TRABD2B: variants seen among roughly 807,000 people sequenced by gnomAD.
The protein encoded by TRABD2B is metalloprotease TIKI2.
In TRABD2B, 14 loss-of-function variants were observed where a neutral mutation model predicts 40.1. The observed-to-expected ratio is 0.35, with a 90% CI of 0.23 to 0.55. TRABD2B has a LOEUF of 0.55. Among genes scored for constraint, TRABD2B ranks in the 20% least tolerant of loss-of-function variants. The pLI is 0.90. For missense variants in TRABD2B, 541 were observed against 648.6 expected (o/e 0.83, Z 1.80); for synonymous variants, 263 against 277.0 (o/e 0.95, Z 0.50).
intron 2 of TRABD2B, among the ~76,000 whole-genome samples, chr1:47,957,977 C>G (rs1294578712): frequency 1.3e-5 from 2 of 152,178 alleles, no homozygotes; most frequent in Non-Finnish European, 2.9e-5. Flanking sequence ...GGGTTACCCA[C>G]AAAGGGAAGC....
At chr1:47,940,146 A>G (rs1194704796) in intron 2 of TRABD2B, among the ~76,000 whole-genome samples, 2 of 152,206 alleles carry the variant, frequency 1.3e-5, no homozygotes, top group Non-Finnish European at 2.9e-5. Context: ...TCCTGTTTAC[A>G]GTGCCCTTAG....
Position 47,997,013 on chromosome 1 carries a change from TC to T in TRABD2B, c.-225del. The T allele has an allele frequency of 9.4e-7, 1 of 1,067,302 alleles. No individual in the cohort carries two copies. Among genetic ancestry groups the T allele is most frequent in the Non-Finnish European group, 1.1e-6 (1 of 884,868 alleles). 66.1% of individuals were successfully genotyped at this position (1,067,302 alleles called of 1,614,324 possible). On this transcript the variant is annotated 5_prime_UTR_variant, in exon 1 of 7. Transcript: ENST00000606738. ...GGGAGACCCTCTAGGGCTGGGCCCCTCCCCCGGGCGCTCAACCTCGCTGGCC... is the reference window on the plus strand; with the variant it reads ...GGGAGACCCTCTAGGGCTGGGCCCCTCCCCGGGCGCTCAACCTCGCTGGCC...
chr1:47,941,487 C>T (rs1645187947), intron 2 of TRABD2B, among the ~76,000 whole-genome samples: 2 of 152,210 alleles, frequency 1.3e-5, no homozygotes, highest in African/African-American at 4.8e-5. Context: ...CAAAAATGCA[C>T]CTGGTTCAAG....
At chr1:47,942,165 C>T (rs981746713) in intron 2 of TRABD2B, among the ~76,000 whole-genome samples, 5 of 152,178 alleles carry the variant, frequency 3.3e-5, no homozygotes, top group African/African-American at 1.2e-4. Context: ...CCTTCCTCTT[C>T]CTTCTTTTGT....
chr1:47,795,727 C>G (rs1483227106), intron 3 of TRABD2B: 1 of 985,154 alleles, frequency 1.0e-6, no homozygotes, highest in Non-Finnish European at 1.2e-6. Flanking sequence ...TTCCCAATGC[C>G]TGAGCCACCA....
intron 2 of TRABD2B, among the ~76,000 whole-genome samples, chr1:47,858,103 A>G (rs747392664): frequency 3.3e-4 from 50 of 152,114 alleles, no homozygotes; most frequent in Non-Finnish European, 6.3e-4. Flanking sequence ...TATCATACGT[A>G]CGCATTGGAA....
chr1:47,924,183 C>G (rs1486613484), intron 2 of TRABD2B, among the ~76,000 whole-genome samples: 1 of 152,122 alleles, frequency 6.6e-6, no homozygotes, highest in Non-Finnish European at 1.5e-5. Context: ...TGTCCAGGTT[C>G]CCACAGGTGG....
At chr1:47,968,719 C>T (rs924159177) in intron 2 of TRABD2B, among the ~76,000 whole-genome samples, 2 of 152,210 alleles carry the variant, frequency 1.3e-5, no homozygotes, top group African/African-American at 2.4e-5. Context: ...ACTTCAAGAG[C>T]CTTTTCACCC....
intron 2 of TRABD2B, among the ~76,000 whole-genome samples, chr1:47,992,341 A>G (rs1272348324): frequency 1.3e-5 from 2 of 152,146 alleles, no homozygotes; most frequent in Admixed American, 6.5e-5. Context: ...TTTTCACCCT[A>G]CCAAAGCCAT....
chr1:47,842,217 T>C (rs1338097801), intron 2 of TRABD2B, among the ~76,000 whole-genome samples: 2 of 152,182 alleles, frequency 1.3e-5, no homozygotes, highest in Admixed American at 6.5e-5. Context: ...TAGACTCTCA[T>C]AGAGAATGGT....
intron 6 of TRABD2B, among the ~76,000 whole-genome samples, chr1:47,772,718 A>C (rs922991921): frequency 6.6e-6 from 1 of 152,068 alleles, no homozygotes; most frequent in Non-Finnish European, 1.5e-5. Context: ...TCTCTTAGAA[A>C]ATTGGAAACC....
chr1:47,897,182 G>C (rs1296939301), intron 2 of TRABD2B, among the ~76,000 whole-genome samples: 1 of 152,196 alleles, frequency 6.6e-6, no homozygotes, highest in Non-Finnish European at 1.5e-5. Context: ...CATTGAGAAG[G>C]TGACATTTGA....
intron 2 of TRABD2B, among the ~76,000 whole-genome samples, chr1:47,841,968 T>C (rs1645403680): frequency 6.6e-6 from 1 of 151,956 alleles, no homozygotes. Context: ...GAGATGGGGT[T>C]TCACGACCGT....
intron 2 of TRABD2B, among the ~76,000 whole-genome samples, chr1:47,885,478 A>T (rs1225853320): frequency 6.6e-6 from 1 of 152,144 alleles, no homozygotes; most frequent in Non-Finnish European, 1.5e-5. Context: ...TGCATCGGCC[A>T]TCTGGTAACT....
chr1:47,990,351 C>T (rs1476749694), intron 2 of TRABD2B, among the ~76,000 whole-genome samples: 1 of 152,174 alleles, frequency 6.6e-6, no homozygotes, highest in Non-Finnish European at 1.5e-5. Context: ...GTACCAGTCC[C>T]TGGTGGCAGC....
chr1:47,787,442 G>A (rs376879949), intron 4 of TRABD2B, among the ~76,000 whole-genome samples: 2 of 152,230 alleles, frequency 1.3e-5, no homozygotes, highest in East Asian at 1.9e-4. Context: ...CGTCTTTGGC[G>A]TAACTCTCAC....
intron 2 of TRABD2B, among the ~76,000 whole-genome samples, chr1:47,974,105 T>A (rs954408490): frequency 6.6e-6 from 1 of 152,134 alleles, no homozygotes; most frequent in African/African-American, 2.4e-5. Flanking sequence ...TAAGATTCTG[T>A]CTGCATCTCC....
chr1:47,949,872 T>C (rs1226200798), intron 2 of TRABD2B, among the ~76,000 whole-genome samples: 2 of 152,160 alleles, frequency 1.3e-5, no homozygotes. Context: ...ATAAACATAT[T>C]TACCAAGCTC....
rs1321582684 is a variant in TRABD2B, at chr1:47,813,609, G to C, written c.667-11990C>G. 6.6e-6 allele frequency among the ~76,000 whole-genome samples: 1 copy of C among 152,144 alleles called. No homozygotes were observed. The highest frequency in any genetic ancestry group is 6.5e-5 in the Admixed American group (1 of 15,276). ...GCGTCTCAGCTTACCCATCTGCCAAGTGGGGTGTATATTTGTCCTGCCTGC... is the reference window on the plus strand; with the variant it reads ...GCGTCTCAGCTTACCCATCTGCCAACTGGGGTGTATATTTGTCCTGCCTGC... On this transcript the variant is annotated intron_variant, in intron 2 of 6. Coordinates refer to ENST00000606738, the MANE Select transcript of TRABD2B (RefSeq NM_001194986.2). This position sits in a 1 kb window ranked among gnomAD's most constrained non-coding sequence, Gnocchi z 4.3.
Sources: allele counts gnomAD v4.1 joint callset (sites outside exome capture counted in the v4.1 genomes callset), GRCh38; gene constraint gnomAD v4.1.1; non-coding constraint Gnocchi (gnomAD v3.1); transcripts MANE v1.5; gene names NCBI Gene and HGNC (gene_info 2026-07-23, HGNC 2026-07-21).